PLEKHG4B: variants seen among roughly 807,000 people sequenced by gnomAD.
The protein encoded by PLEKHG4B is pleckstrin homology domain-containing family G member 4B.
A neutral mutation model predicts 121.3 loss-of-function variants in PLEKHG4B; 111 were observed. The ratio of observed to expected loss-of-function variants is 0.92; its 90% CI spans 0.78 to 1.07. PLEKHG4B has a LOEUF of 1.07. Ranked by LOEUF, PLEKHG4B falls within the 50% of genes least tolerant of loss-of-function variation. The probability of loss-of-function intolerance (pLI) is 0.00; values close to 1 mark genes in which losing one functional copy is unlikely to be tolerated. For synonymous variants in PLEKHG4B, 738 were observed against 725.0 expected (o/e 1.02, Z -0.29); for missense variants, 1,831 against 1,757.8 (o/e 1.04, Z -0.74).
At position 137,345 on chromosome 5, in the gene PLEKHG4B, A is replaced by T. The variant is rs1297210740; in HGVS notation, c.244-2138A>T. 6.6e-6 allele frequency among the ~76,000 whole-genome samples: 1 copy of T among 152,166 alleles called. No individual in the cohort carries two copies. Among genetic ancestry groups the T allele is most frequent in the Non-Finnish European group, 1.5e-5 (1 of 68,016 alleles). ...TGGAGATGGTGGTGATGGTTACATA[A>T]CCGTGTGAATGTACTTAATGCCACT... is the stretch of plus-strand genomic sequence containing the variant. On this transcript the variant is annotated intron_variant, in intron 2 of 19. Coordinates refer to ENST00000637938, the MANE Select transcript of PLEKHG4B (RefSeq NM_052909.5). This position sits in a 1 kb window ranked among gnomAD's most constrained non-coding sequence, Gnocchi z 4.2.
intron 14 of PLEKHG4B, among the ~76,000 whole-genome samples, chr5:170,724 C>G (rs1736515119): frequency 6.6e-6 from 1 of 152,134 alleles, no homozygotes; most frequent in Non-Finnish European, 1.5e-5. Flanking sequence ...TCCAATGCCC[C>G]CCACGCCCTC....
At position 183,991 on chromosome 5, in the gene PLEKHG4B, CGATA is replaced by C. The variant is rs74281592; in HGVS notation, c.*1703_*1706del. 0.06 allele frequency: 6,261 copies of C among 104,664 alleles called. 169 individuals carry two copies. The highest frequency in any genetic ancestry group is 0.14 in the Admixed American group (1,565 of 10,872). The allele number at this position is 104,664 out of a possible 1,614,324, so 6.5% of individuals were successfully genotyped here. On this transcript the variant is annotated 3_prime_UTR_variant, in exon 20 of 20. Coordinates refer to ENST00000637938, the MANE Select transcript of PLEKHG4B (RefSeq NM_052909.5). ...CAGACAGATAGATAGATAGATAGAT[CGATA>C]GATAGATAGATAGATAGATAGATAG...
chr5:150,722 G>T (rs1304569371), intron 6 of PLEKHG4B, among the ~76,000 whole-genome samples: 1 of 152,088 alleles, frequency 6.6e-6, no homozygotes, highest in Non-Finnish European at 1.5e-5. Context: ...AAACCAAAAT[G>T]AAACACACAA....
At position 143,049 on chromosome 5, in the gene PLEKHG4B, G is replaced by A. The variant is rs1278426340; in HGVS notation, c.1480G>A (p.Val494Ile). The A allele has an allele frequency of 8.1e-6, 13 of 1,613,118 alleles. No individual in the cohort carries two copies. In the African/African-American group the frequency reaches 1.1e-4, roughly 13 times the overall value. Residue 494 changes from valine (V) to isoleucine (I), a missense_variant and splice_region_variant, in exon 4 of 20, where the codon GTT becomes ATT. Transcript: ENST00000637938. The stretch of plus-strand genomic sequence containing the variant: ...CACGGCCTCTTTCCTTTGTCCAGAC[G>A]TTCTTGCATCCTCAGCCTGTGTCAG... ...EGPGCTKEED[V>I]LASSACVSTD... is the part of the protein sequence containing the mutation.
chr5:161,324 TGG>T (rs1406979379), intron 11 of PLEKHG4B, among the ~76,000 whole-genome samples: 1 of 152,258 alleles, frequency 6.6e-6, no homozygotes, highest in African/African-American at 2.4e-5. Flanking sequence ...AGTTTCAAAA[TGG>T]AAAGTCCTGG....
intron 13 of PLEKHG4B, among the ~76,000 whole-genome samples, chr5:165,576 A>C (rs1457736602): frequency 1.8e-4 from 4 of 22,442 alleles, no homozygotes; most frequent in East Asian, 9.3e-4. Context: ...GCTCACAGTA[A>C]TCCTCTGACG....
Position 182,227 on chromosome 5 carries a change from G to T in PLEKHG4B, c.4788G>T (p.Glu1596Asp). 6.2e-7 allele frequency: 1 copy of T among 1,613,802 alleles called. No homozygotes were observed. Among genetic ancestry groups the T allele is most frequent in the Non-Finnish European group, 8.5e-7 (1 of 1,180,030 alleles). The change falls in exon 20 of 20, where the codon GAG (glutamate) becomes GAT (aspartate). Residue 1596 changes from glutamate (E) to aspartate (D), a missense_variant. Glu to Asp is a conservative substitution (Grantham distance 45). Transcript: ENST00000637938. The part of the protein sequence containing the change: ...PWSSDIRACV[E>D]EDEPEPELET... ...CATCTGATATCAGAGCCTGCGTCGA[G>T]GAAGATGAGCCAGAGCCAGAACTAG...
intron 1 of PLEKHG4B, among the ~76,000 whole-genome samples, chr5:112,131 C>T (rs906731786): frequency 6.6e-6 from 1 of 152,200 alleles, no homozygotes; most frequent in Admixed American, 6.5e-5. Flanking sequence ...GAGAACGAGC[C>T]AGTGTGTGCA....
rs58960904 is a variant in PLEKHG4B, at chr5:92,226, T to G, written c.-6T>G. Reference sequence around the variant, plus strand: ...AGCGTCGGAGTTCGGGAGACCAGGGTCCAGCATGGGTTTCAGCACAGCAGA... The same window carrying G: ...AGCGTCGGAGTTCGGGAGACCAGGGGCCAGCATGGGTTTCAGCACAGCAGA... On this transcript the variant is annotated 5_prime_UTR_variant, in exon 1 of 20. Coordinates refer to ENST00000637938, the MANE Select transcript of PLEKHG4B (RefSeq NM_052909.5). 73,608 of 356,350 alleles carry G rather than the reference T, an allele frequency of 0.21. 9,197 individuals carry two copies. The highest frequency in any genetic ancestry group is 0.4 in the African/African-American group (16,798 of 42,232). 22.1% of individuals were successfully genotyped at this position (356,350 alleles called of 1,614,324 possible).
Position 182,258 on chromosome 5 carries a change from G to A in PLEKHG4B, c.4819G>A (p.Gly1607Ser), listed in dbSNP as rs770310901. 7.4e-6 allele frequency: 12 copies of A among 1,613,208 alleles called. No homozygotes were observed. The highest frequency in any genetic ancestry group is 6.6e-5 in the South Asian group (6 of 91,074). Residue 1607 changes from glycine to serine, a missense_variant, in exon 20 of 20, where the codon GGC becomes AGC. Physicochemically the swap from Gly to Ser is moderately conservative, Grantham distance 56 (BLOSUM62 0). Transcript: ENST00000637938. ...TGAGCCAGAGCCAGAACTAGAGACG[G>A]GCACCCAGGCTGCAGTGTGTGAGGG... ...EDEPEPELETGTQAAVCEGAP... is the reference protein window; with the variant it reads ...EDEPEPELETSTQAAVCEGAP...
chr5:168,752 C>G (rs530691703), intron 13 of PLEKHG4B, among the ~76,000 whole-genome samples: 14 of 152,062 alleles, frequency 9.2e-5, no homozygotes, highest in African/African-American at 2.9e-4. Context: ...TAGTCCTTAT[C>G]TTTTCAAGTT....
chr5:142,958 C>A, intron 3 of PLEKHG4B, 89 bp from the exon 4 acceptor site: 1 of 1,273,466 alleles, frequency 7.9e-7, no homozygotes, highest in Non-Finnish European at 1.1e-6. Flanking sequence ...GTGTTTTTGT[C>A]CCATGGTTCA....
intron 13 of PLEKHG4B, among the ~76,000 whole-genome samples, chr5:165,871 G>A (rs1464932293): frequency 6.3e-5 from 1 of 15,984 alleles, no homozygotes; most frequent in Non-Finnish European, 1.7e-4. Context: ...CTGACGGGGC[G>A]GAGCTCACAC....
intron 11 of PLEKHG4B, among the ~76,000 whole-genome samples, chr5:158,137 C>G (rs932973112): frequency 6.6e-6 from 1 of 152,114 alleles, no homozygotes; most frequent in African/African-American, 2.4e-5. Flanking sequence ...TGCCCTCTGT[C>G]CTGGGGGTCT....
At chr5:148,449 C>T (rs1735502595) in intron 6 of PLEKHG4B, among the ~76,000 whole-genome samples, 1 of 151,850 alleles carries the variant, frequency 6.6e-6, no homozygotes, top group Non-Finnish European at 1.5e-5. Flanking sequence ...AGTGAGCAAT[C>T]TGAAAAGGAA....
At chr5:180,890 T>C (rs1736910595) in intron 18 of PLEKHG4B, among the ~76,000 whole-genome samples, 1 of 152,242 alleles carries the variant, frequency 6.6e-6, no homozygotes, top group African/African-American at 2.4e-5. Context: ...ACTCTGTGAC[T>C]GTAGCACACA....
chr5:163,950 G>A (rs12522265), intron 13 of PLEKHG4B, among the ~76,000 whole-genome samples: 82,589 of 152,044 alleles, frequency 0.54, 22,729 homozygotes, highest in South Asian at 0.61. Flanking sequence ...GCACCCATGC[G>A]CCCATTGCCC....
rs781571840 is a variant in PLEKHG4B, at chr5:143,413, A to G, written c.1721A>G (p.Gln574Arg). 15 of 1,612,830 alleles carry G rather than the reference A, an allele frequency of 9.3e-6. No homozygotes were observed. In the East Asian group the frequency reaches 3.3e-4, roughly 36 times the overall value. ...GACCGTCATGGCAGAGCAGTGGTGCAGGTCCGCACCAGGAGCCTGCTCTGG... is the reference window on the plus strand; with the variant it reads ...GACCGTCATGGCAGAGCAGTGGTGCGGGTCCGCACCAGGAGCCTGCTCTGG... ...TRDRHGRAVV[Q>R]VRTRSLLWTR... Residue 574 changes from glutamine to arginine, a missense_variant, in exon 5 of 20, where the codon CAG (glutamine) becomes CGG (arginine). Coordinates refer to ENST00000637938, the MANE Select transcript of PLEKHG4B (RefSeq NM_052909.5).
rs1458170911 is a variant in PLEKHG4B at position 134,088 on chromosome 5, T to TGATAGA, written c.244-5395_244-5394insGATAGA. Among the ~76,000 whole-genome samples, 16 of 100,216 alleles carry TGATAGA rather than the reference T, an allele frequency of 1.6e-4. No homozygotes were observed. The East Asian group carries it at 2.0e-3, about 13-fold the overall frequency. The allele number at this position is 100,216 out of a possible 152,430, so 65.7% of individuals were successfully genotyped here. ...ATATATATGATAGAATATATATATA[T>TGATAGA]ATATATATATATATATATATATATA... On this transcript the variant is annotated intron_variant, in intron 2 of 19. Transcript: ENST00000637938.
Sources: allele counts gnomAD v4.1 joint callset (sites outside exome capture counted in the v4.1 genomes callset), GRCh38; gene constraint gnomAD v4.1.1; non-coding constraint Gnocchi (gnomAD v3.1); transcripts MANE v1.5; gene names NCBI Gene and HGNC (gene_info 2026-07-23, HGNC 2026-07-21).